The following CXADR variants were observed in gnomAD, a reference collection of about 807,000 sequenced individuals.
CXADR encodes the protein coxsackievirus and adenovirus receptor.
A neutral mutation model predicts 40.3 loss-of-function variants in CXADR; 20 were observed. The ratio of observed to expected loss-of-function variants is 0.50; its 90% CI spans 0.35 to 0.72. CXADR has a LOEUF of 0.72. Ranked by LOEUF, CXADR falls within the 30% of genes least tolerant of loss-of-function variation. CXADR has a pLI of 0.01. For synonymous variants in CXADR, 150 were observed against 161.3 expected, an observed-to-expected ratio of 0.93 and a Z score of 0.53; for missense variants, 332 against 449.1, an observed-to-expected ratio of 0.74 and a Z score of 2.36.
intron 7 of CXADR, among the ~76,000 whole-genome samples, chr21:17,592,146 T>C (rs1046016266): frequency 6.6e-6 from 1 of 151,958 alleles, no homozygotes; most frequent in African/African-American, 2.4e-5. Flanking sequence ...TAACGTGGAA[T>C]GTTCTGGCTA....
rs778836264 is a variant in CXADR, at chr21:17,565,635, A to G, written c.1041A>G (p.Arg347=). 1 of 1,612,166 alleles carries G rather than the reference A, an allele frequency of 6.2e-7. No individual in the cohort carries two copies. The highest frequency in any genetic ancestry group is 8.5e-7 in the Non-Finnish European group (1 of 1,179,826). The change falls in exon 7 of 7, where the codon CGA becomes CGG. Residue 347 remains arginine (R), a synonymous_variant. Coordinates refer to ENST00000284878, the MANE Select transcript of CXADR (RefSeq NM_001338.5). The part of the protein sequence containing the change: ...PAKVAAPNLS[R]MGAIPVMIPA... ...AGGTAGCTGCCCCTAATCTAAGTCGAATGGGTGCGATTCCTGTGATGATTC... is the reference window on the plus strand; with the variant it reads ...AGGTAGCTGCCCCTAATCTAAGTCGGATGGGTGCGATTCCTGTGATGATTC...
chr21:17,601,109 G>A, the CXADR span, among the ~76,000 whole-genome samples: 1 of 151,870 alleles, frequency 6.6e-6, no homozygotes, highest in Non-Finnish European at 1.5e-5. Context: ...GTTGCAGTGA[G>A]CTGAGATCGC....
downstream of CXADR, among the ~76,000 whole-genome samples, chr21:17,596,601 T>C (rs2061507047): frequency 6.6e-6 from 1 of 152,050 alleles, no homozygotes; most frequent in African/African-American, 2.4e-5. Flanking sequence ...ACTAACTGTA[T>C]GTATGTGGGT....
chr21:17,628,263 G>T, the CXADR span, among the ~76,000 whole-genome samples: 2 of 152,174 alleles, frequency 1.3e-5, no homozygotes, highest in Admixed American at 6.6e-5. Flanking sequence ...TATATAAAGA[G>T]ATTTATTTTA....
intron 3 of CXADR, among the ~76,000 whole-genome samples, chr21:17,558,417 A>G (rs1350800550): frequency 6.6e-6 from 1 of 152,118 alleles, no homozygotes; most frequent in Non-Finnish European, 1.5e-5. Flanking sequence ...CACTATGCCC[A>G]GCCCAGGTTT....
the CXADR span, chr21:17,598,739 T>C: frequency 6.2e-7 from 1 of 1,614,076 alleles, no homozygotes; most frequent in Non-Finnish European, 8.5e-7. Context: ...TCAAGGGCCC[T>C]GGTAACTTTC....
chr21:17,561,833 G>A (rs2061126625), intron 6 of CXADR, among the ~76,000 whole-genome samples: 1 of 152,172 alleles, frequency 6.6e-6, no homozygotes, highest in African/African-American at 2.4e-5. Flanking sequence ...TAATCTGGAA[G>A]TTTGTAGAAC....
At chr21:17,519,433 C>G (rs1230315090) in intron 1 of CXADR, among the ~76,000 whole-genome samples, 2 of 152,344 alleles carry the variant, frequency 1.3e-5, no homozygotes, top group East Asian at 3.9e-4. Context: ...TTCCACTAGT[C>G]ATGTCTGAGT....
chr21:17,579,034 A>C (rs1003287539), intron 7 of CXADR, among the ~76,000 whole-genome samples: 1 of 152,122 alleles, frequency 6.6e-6, no homozygotes, highest in Non-Finnish European at 1.5e-5. Flanking sequence ...CTATTCTTTC[A>C]AAGTCCTTGG....
intron 1 of CXADR, among the ~76,000 whole-genome samples, chr21:17,541,051 C>T (rs1182627626): frequency 6.6e-6 from 1 of 152,060 alleles, no homozygotes. Context: ...CCCCCATGCA[C>T]CAACATCTCC....
chr21:17,519,381 C>T (rs142908025), intron 1 of CXADR, among the ~76,000 whole-genome samples: 2 of 152,346 alleles, frequency 1.3e-5, no homozygotes, highest in African/African-American at 4.8e-5. Flanking sequence ...GTTCATCACT[C>T]TCTCCCTTCT....
rs1406010754 is a variant in CXADR, at chr21:17,566,525, G to A, written c.*833G>A. Reference sequence around the variant, plus strand: ...CAAAATGGTGGCCAGCCAGATCAAGGATGTAGTATCTCATAGTTCCCAGGT... The same window carrying A: ...CAAAATGGTGGCCAGCCAGATCAAGAATGTAGTATCTCATAGTTCCCAGGT... On this transcript the variant is annotated 3_prime_UTR_variant, in exon 7 of 7. Transcript: ENST00000284878. 9.5e-5 allele frequency: 94 copies of A among 985,210 alleles called. No individual in the cohort carries two copies. Among genetic ancestry groups the A allele is most frequent in the Non-Finnish European group, 1.1e-4 (91 of 829,878 alleles). The allele number at this position is 985,210 out of a possible 1,614,324, so 61.0% of individuals were successfully genotyped here.
the CXADR span, among the ~76,000 whole-genome samples, chr21:17,628,337 G>C: frequency 6.6e-6 from 1 of 152,222 alleles, no homozygotes; most frequent in Non-Finnish European, 1.5e-5. Context: ...AAGTTGGGAA[G>C]CTGGAGACCC....
At chr21:17,609,109 G>A in the CXADR span, 2 of 1,612,728 alleles carry the variant, frequency 1.2e-6, no homozygotes, top group South Asian at 2.2e-5. Flanking sequence ...CTAGCCTTGT[G>A]AAAAAGAAGA....
chr21:17,560,165 A>G (rs1405359291), intron 4 of CXADR, among the ~76,000 whole-genome samples: 1 of 152,058 alleles, frequency 6.6e-6, no homozygotes, highest in East Asian at 1.9e-4. Context: ...CTGCTCACCT[A>G]TTTGTTATAA....
downstream of CXADR, chr21:17,594,398 T>C: frequency 6.6e-7 from 1 of 1,505,862 alleles, no homozygotes. Flanking sequence ...TCCAGATTTC[T>C]CATTAAAGAC....
At chr21:17,622,021 CCTT>C in the CXADR span, among the ~76,000 whole-genome samples, 1 of 152,150 alleles carries the variant, frequency 6.6e-6, no homozygotes, top group Non-Finnish European at 1.5e-5. Context: ...TCATTGCAAA[CCTT>C]CTTTGTAATT....
intron 1 of CXADR, among the ~76,000 whole-genome samples, chr21:17,538,642 C>T (rs918994503): frequency 2.6e-5 from 4 of 151,844 alleles, no homozygotes; most frequent in Admixed American, 6.6e-5. Flanking sequence ...TGCAACTCCA[C>T]TGGGAAAATA....
intron 7 of CXADR, among the ~76,000 whole-genome samples, chr21:17,577,424 A>C (rs1453715508): frequency 2.6e-5 from 4 of 152,042 alleles, no homozygotes. Context: ...TCCATAACTT[A>C]TCATTTTCTT....
Sources: allele counts gnomAD v4.1 joint callset (sites outside exome capture counted in the v4.1 genomes callset), GRCh38; gene constraint gnomAD v4.1.1; transcripts MANE v1.5; gene names NCBI Gene and HGNC (gene_info 2026-07-23, HGNC 2026-07-21).